URGCP: variants seen among roughly 807,000 people sequenced by gnomAD.
URGCP encodes the protein up-regulator of cell proliferation.
URGCP carries 13 observed loss-of-function variants against 24.6 expected under a neutral mutation model. The ratio of observed to expected loss-of-function variants is 0.53; its 90% CI spans 0.34 to 0.84. The LOEUF is 0.84. Among genes scored for constraint, URGCP ranks in the 40% least tolerant of loss-of-function variants. URGCP has a pLI of 0.01. For missense variants in URGCP, 899 were observed against 1,194.3 expected (o/e 0.75, Z 3.64); for synonymous variants, 444 against 487.2 (o/e 0.91, Z 1.17).
upstream of URGCP, among the ~76,000 whole-genome samples, chr7:43,909,594 C>T (rs544153781): frequency 1.6e-4 from 24 of 151,944 alleles, no homozygotes; most frequent in Non-Finnish European, 2.9e-4. Context: ...GGTGTGGTGG[C>T]GTGTGCCTGT....
At chr7:43,908,870 G>A (rs969087399), upstream of URGCP, among the ~76,000 whole-genome samples, 1 of 152,118 alleles carries the variant, frequency 6.6e-6, no homozygotes, top group Non-Finnish European at 1.5e-5. Flanking sequence ...TGCTTTTTGT[G>A]AGTTGATTTT....
chr7:43,919,753 G>A (rs1282716712), intron 1 of URGCP: 4 of 1,363,518 alleles, frequency 2.9e-6, no homozygotes, highest in Non-Finnish European at 4.2e-6. Flanking sequence ...ATCCTGTTGG[G>A]CCCCACCAGC....
chr7:43,908,080 A>T (rs961220376), upstream of URGCP, among the ~76,000 whole-genome samples: 1 of 152,076 alleles, frequency 6.6e-6, no homozygotes, highest in Admixed American at 6.6e-5. Context: ...AAACTAAAAG[A>T]ATTTTTTCTT....
intron 1 of URGCP, among the ~76,000 whole-genome samples, chr7:43,911,623 G>A (rs1332209227): frequency 6.6e-6 from 1 of 152,182 alleles, no homozygotes; most frequent in African/African-American, 2.4e-5. Context: ...CTTGAACCTG[G>A]GAGGTGGAGG....
chr7:43,918,570 C>T (rs2095918331), intron 1 of URGCP: 3 of 399,446 alleles, frequency 7.5e-6, no homozygotes, highest in South Asian at 2.7e-5. Context: ...CATGAGTCAC[C>T]ACACCCAGAC....
At chr7:43,896,434 G>A (rs1201457852) in intron 1 of URGCP, among the ~76,000 whole-genome samples, 1 of 142,880 alleles carries the variant, frequency 7.0e-6, no homozygotes, top group Non-Finnish European at 1.5e-5. Flanking sequence ...CAGCCTGGGC[G>A]ACAGAGAGAG....
intron 1 of URGCP, among the ~76,000 whole-genome samples, chr7:43,925,689 G>A (rs995851727): frequency 7.3e-5 from 11 of 151,392 alleles, no homozygotes; most frequent in East Asian, 1.9e-4. Flanking sequence ...TAGTAGAGAC[G>A]GAGTTTCAGC....
intron 1 of URGCP, chr7:43,919,045 A>G: frequency 9.5e-7 from 1 of 1,053,652 alleles, no homozygotes; most frequent in Non-Finnish European, 1.5e-6. Context: ...ATCCATGAGG[A>G]CATTTTTAAC....
chr7:43,881,883 G>A, intron 4 of URGCP, 24 bp downstream of exon 4: 2 of 1,612,966 alleles, frequency 1.2e-6, no homozygotes, highest in Non-Finnish European at 1.7e-6. Context: ...AGTCCAATCT[G>A]TTGCCAAATC....
intron 3 of URGCP, among the ~76,000 whole-genome samples, chr7:43,883,354 ATATATATATTTTTT>A (rs1562575193): frequency 1.8e-4 from 18 of 97,688 alleles, no homozygotes; most frequent in African/African-American, 1.1e-3. Flanking sequence ...ATATATATAT[ATATATATATTTTTT>A]TTTTTTTTTT....
In URGCP at chr7:43,876,000, G is replaced by A. The variant is rs897127801; in HGVS notation, c.*667C>T. The A allele has an allele frequency of 4.5e-5, 7 of 153,894 alleles. No homozygotes were observed. Among genetic ancestry groups the A allele is most frequent in the South Asian group, 4.1e-4 (2 of 4,890 alleles). The allele number at this position is 153,894 out of a possible 1,614,324, so 9.5% of individuals were successfully genotyped here. On this transcript the variant is annotated 3_prime_UTR_variant, in exon 6 of 6. Coordinates refer to ENST00000453200, the MANE Select transcript of URGCP (RefSeq NM_001077663.3). ...AGAATGTACAGTCCCTGCCCTCAAG[G>A]AGCTCACAGTCTGGGGGGACAGACA... is the stretch of plus-strand genomic sequence containing the variant.
chr7:43,881,711 A>G lies in URGCP; in HGVS notation c.164-14T>C. On this transcript the variant is annotated splice_polypyrimidine_tract_variant and intron_variant, in intron 4 of 5. Coordinates refer to ENST00000453200, the MANE Select transcript of URGCP (RefSeq NM_001077663.3). ...CATTTGTACCATCTATGGAAAAAGCAATGGAAAATGAAGTGTCAATCAAAT... is the reference window on the plus strand; with the variant it reads ...CATTTGTACCATCTATGGAAAAAGCGATGGAAAATGAAGTGTCAATCAAAT... 1 of 1,614,146 alleles carries G rather than the reference A, an allele frequency of 6.2e-7. No individual in the cohort carries two copies. Among genetic ancestry groups the G allele is most frequent in the South Asian group, 1.1e-5 (1 of 91,068 alleles).
At chr7:43,888,175 A>T (rs2132669791) in intron 1 of URGCP, 1 of 187,218 alleles carries the variant, frequency 5.3e-6, no homozygotes, top group South Asian at 1.3e-4. Flanking sequence ...GAATTATTTT[A>T]AATAGCTATG....
intron 1 of URGCP, among the ~76,000 whole-genome samples, chr7:43,922,258 C>T (rs2132734008): frequency 6.6e-6 from 1 of 152,258 alleles, no homozygotes; most frequent in East Asian, 1.9e-4. Flanking sequence ...GACAGGGTTT[C>T]ACCATGTTGG....
At chr7:43,906,714 T>TAAGGTGGGCC (rs1430149533), upstream of URGCP, 3 of 654,384 alleles carry the variant, frequency 4.6e-6, no homozygotes, top group East Asian at 3.1e-4. Flanking sequence ...TGAGGTGGGG[T>TAAGGTGGGCC]AAGGTGGGCC....
intron 1 of URGCP, chr7:43,919,761 A>T: frequency 7.4e-7 from 1 of 1,359,424 alleles, no homozygotes; most frequent in Non-Finnish European, 1.1e-6. Context: ...GGGCCCCACC[A>T]GCATCCAGGT....
intron 1 of URGCP, chr7:43,889,413 C>G (rs1012916005): frequency 6.6e-6 from 1 of 152,214 alleles, no homozygotes; most frequent in Non-Finnish European, 1.5e-5. Flanking sequence ...CACTTCTAAG[C>G]CTTGCTAAGT....
At chr7:43,926,626 C>G (rs1415464472), upstream of URGCP, 1 of 1,469,146 alleles carries the variant, frequency 6.8e-7, no homozygotes, top group Non-Finnish European at 9.1e-7. Context: ...GCGCCGCTGC[C>G]GTGAAGTGAA....
At chr7:43,890,154 C>T (rs2095868373) in intron 1 of URGCP, among the ~76,000 whole-genome samples, 1 of 151,834 alleles carries the variant, frequency 6.6e-6, no homozygotes, top group South Asian at 2.1e-4. Context: ...ATCCACCCAC[C>T]TCAGCCTCCC....
Sources: allele counts gnomAD v4.1 joint callset (sites outside exome capture counted in the v4.1 genomes callset), GRCh38; gene constraint gnomAD v4.1.1; transcripts MANE v1.5; gene names NCBI Gene and HGNC (gene_info 2026-07-23, HGNC 2026-07-21).